Variants in CNTNAP2 observed in about 807,000 individuals in gnomAD.
CNTNAP2 encodes contactin associated protein 2.
A neutral mutation model predicts 155.2 loss-of-function variants in CNTNAP2; 98 were observed. The ratio of observed to expected loss-of-function variants is 0.63; its 90% CI spans 0.54 to 0.75. CNTNAP2 has a LOEUF of 0.75. Among genes scored for constraint, CNTNAP2 ranks in the 30% least tolerant of loss-of-function variants. The pLI is 0.00. For missense variants in CNTNAP2, 1,727 were observed against 1,688.1 expected, an observed-to-expected ratio of 1.02 and a Z score of -0.40; for synonymous variants, 651 against 631.2, an observed-to-expected ratio of 1.03 and a Z score of -0.47.
intron 1 of CNTNAP2, among the ~76,000 whole-genome samples, chr7:146,723,928 T>G (rs1342024218): frequency 6.6e-6 from 1 of 152,170 alleles, no homozygotes; most frequent in African/African-American, 2.4e-5. Context: ...TGAATTTAAT[T>G]TATTGAGGCT....
intron 11 of CNTNAP2, among the ~76,000 whole-genome samples, chr7:147,504,216 A>G (rs868355538): frequency 6.6e-6 from 1 of 152,062 alleles, no homozygotes. Flanking sequence ...AGCTCCTGAC[A>G]TGAGTCCCCA....
At chr7:146,149,072 C>T (rs1797996621) in intron 1 of CNTNAP2, among the ~76,000 whole-genome samples, 1 of 151,870 alleles carries the variant, frequency 6.6e-6, no homozygotes, top group African/African-American at 2.4e-5. Context: ...AGGAGATACA[C>T]CTAATGTAAA....
intron 4 of CNTNAP2, among the ~76,000 whole-genome samples, chr7:147,065,357 A>G (rs1489463375): frequency 6.6e-6 from 1 of 152,248 alleles, no homozygotes; most frequent in African/African-American, 2.4e-5. Context: ...TTGGATAAGA[A>G]TGAAATTAAG....
chr7:147,121,307 T>A, intron 6 of CNTNAP2, 144 bp downstream of exon 6: 1 of 752,884 alleles, frequency 1.3e-6, no homozygotes, highest in Non-Finnish European at 2.1e-6. Context: ...TTTAAAAACC[T>A]GATTAATTCG....
intron 2 of CNTNAP2, among the ~76,000 whole-genome samples, chr7:146,834,908 A>G (rs1331541567): frequency 6.6e-6 from 1 of 152,180 alleles, no homozygotes; most frequent in Non-Finnish European, 1.5e-5. Context: ...AAGTAAACAA[A>G]GTAATAAACT....
At chr7:146,993,932 T>C (rs1017483115) in intron 3 of CNTNAP2, among the ~76,000 whole-genome samples, 2 of 152,174 alleles carry the variant, frequency 1.3e-5, no homozygotes, top group Admixed American at 6.6e-5. Context: ...CACTTTGAAC[T>C]GCTCTAAATC....
chr7:146,926,275 T>C (rs1374668864), intron 3 of CNTNAP2, among the ~76,000 whole-genome samples: 1 of 151,962 alleles, frequency 6.6e-6, no homozygotes, highest in African/African-American at 2.4e-5. Context: ...GTGTGATTCA[T>C]TGACAATATA....
intron 1 of CNTNAP2, among the ~76,000 whole-genome samples, chr7:146,453,216 A>G (rs1276180274): frequency 6.6e-6 from 1 of 152,230 alleles, no homozygotes; most frequent in East Asian, 1.9e-4. Context: ...TATCTGAGGC[A>G]GGTAAATAAC....
chr7:147,502,305 T>C (rs1798829717), intron 11 of CNTNAP2, among the ~76,000 whole-genome samples: 2 of 152,090 alleles, frequency 1.3e-5, no homozygotes, highest in Non-Finnish European at 1.5e-5. Context: ...ACATACTAAG[T>C]GTGAGGGAAA....
intron 1 of CNTNAP2, among the ~76,000 whole-genome samples, chr7:146,372,065 AT>A (rs1201690350): frequency 6.6e-6 from 1 of 152,208 alleles, no homozygotes; most frequent in Non-Finnish European, 1.5e-5. Flanking sequence ...AAGACCCTAT[AT>A]TTACAAAATA....
chr7:147,583,503 CATATATATAT>C (rs71183019), intron 12 of CNTNAP2, among the ~76,000 whole-genome samples: 10 of 129,166 alleles, frequency 7.7e-5, no homozygotes, highest in South Asian at 2.5e-4. Context: ...AAAGACATGA[CATATATATAT>C]ATATATATAT....
chr7:147,664,005 G>A (rs17170636), intron 13 of CNTNAP2, among the ~76,000 whole-genome samples: 13,967 of 152,158 alleles, frequency 0.092, 789 homozygotes, highest in African/African-American at 0.16. Flanking sequence ...AATTTTCTGT[G>A]TAGTAAAACG....
chr7:146,921,980 A>C (rs1445458878), intron 3 of CNTNAP2, among the ~76,000 whole-genome samples: 1 of 152,198 alleles, frequency 6.6e-6, no homozygotes, highest in African/African-American at 2.4e-5. Flanking sequence ...ACATCCGTTG[A>C]ATATAAATCC....
At chr7:146,134,197 A>G (rs1173398138) in intron 1 of CNTNAP2, among the ~76,000 whole-genome samples, 1 of 152,052 alleles carries the variant, frequency 6.6e-6, no homozygotes, top group Non-Finnish European at 1.5e-5. Flanking sequence ...GAGTTCACTC[A>G]TGATTTGGCT....
intron 1 of CNTNAP2, among the ~76,000 whole-genome samples, chr7:146,622,536 T>C (rs1338892525): frequency 6.6e-6 from 1 of 152,172 alleles, no homozygotes; most frequent in Non-Finnish European, 1.5e-5. Flanking sequence ...TTCATCTGTA[T>C]GTATATTTAA....
rs140101909 is a variant in CNTNAP2 at position 147,042,136 on chromosome 7, A to C, written c.403-1771A>C. Among the ~76,000 whole-genome samples, 566 of 152,348 alleles carry C rather than the reference A, an allele frequency of 3.7e-3. 8 individuals are homozygous for C. The highest frequency in any genetic ancestry group is 0.014 in the Middle Eastern group (4 of 294). ...TCTATTAAGTGTTAAAATTCAAGAC[A>C]TACTGCTCAAATAGTTTTGTTTTAT... On this transcript the variant is annotated intron_variant, in intron 3 of 23. Transcript: ENST00000361727.
At chr7:146,146,109 G>T (rs1364099338) in intron 1 of CNTNAP2, among the ~76,000 whole-genome samples, 1 of 152,104 alleles carries the variant, frequency 6.6e-6, no homozygotes, top group Non-Finnish European at 1.5e-5. Context: ...TCAGTTGAAA[G>T]AAATGTATAA....
intron 10 of CNTNAP2, among the ~76,000 whole-genome samples, chr7:147,481,003 T>A (rs2116627793): frequency 6.6e-6 from 1 of 152,304 alleles, no homozygotes; most frequent in South Asian, 2.1e-4. Context: ...CAGCAGTTAT[T>A]CTGATACACA....
chr7:146,165,508 T>C (rs2116808918), intron 1 of CNTNAP2, among the ~76,000 whole-genome samples: 1 of 152,358 alleles, frequency 6.6e-6, no homozygotes, highest in East Asian at 1.9e-4. Flanking sequence ...CCAAGTGTGA[T>C]GCTCTTGATT....
Sources: allele counts gnomAD v4.1 joint callset (sites outside exome capture counted in the v4.1 genomes callset), GRCh38; gene constraint gnomAD v4.1.1; transcripts MANE v1.5; gene names NCBI Gene and HGNC (gene_info 2026-07-23, HGNC 2026-07-21).